Variants in DNAH11 observed in about 807,000 individuals in gnomAD.
DNAH11 encodes axonemal beta dynein heavy chain 11.
Under a neutral mutation model 526.0 loss-of-function variants are expected in DNAH11, and 442 were observed. That is an observed-to-expected ratio of 0.84 (90% CI 0.78 to 0.91). The LOEUF (loss-of-function observed/expected upper bound fraction) is 0.91. DNAH11 is among the 40% of genes least tolerant of loss of function. The pLI, the probability that DNAH11 is intolerant of heterozygous loss-of-function variation, is 0.00. For missense variants in DNAH11, 6,989 were observed against 5,448.7 expected, an observed-to-expected ratio of 1.28 and a Z score of -8.90; for synonymous variants, 2,461 against 1,935.9, an observed-to-expected ratio of 1.27 and a Z score of -7.12.
At chr7:21,700,567 T>C (rs1484146920) in intron 36 of DNAH11, among the ~76,000 whole-genome samples, 2 of 152,222 alleles carry the variant, frequency 1.3e-5, no homozygotes, top group African/African-American at 4.8e-5. Flanking sequence ...TCAAAGTTCT[T>C]ATTCTCAGAA....
At chr7:21,847,804 CTTGCAGTTCTTAGTTT>C (rs1782473413) in intron 66 of DNAH11, among the ~76,000 whole-genome samples, 2 of 152,124 alleles carry the variant, frequency 1.3e-5, no homozygotes. Context: ...TTTATTTCTC[CTTGCAGTTCTTAGTTT>C]TTGCCTTCTG....
chr7:21,785,751 A>G (rs185400077), intron 58 of DNAH11, among the ~76,000 whole-genome samples: 1 of 152,338 alleles, frequency 6.6e-6, no homozygotes, highest in Admixed American at 6.5e-5. Context: ...TCTTACTAGC[A>G]TATTTTAAGA....
chr7:21,759,696 CAG>C (rs1028990274), intron 54 of DNAH11, among the ~76,000 whole-genome samples: 1 of 151,968 alleles, frequency 6.6e-6, no homozygotes, highest in African/African-American at 2.4e-5. Flanking sequence ...AAAAAAAATA[CAG>C]AGTGACTGTA....
intron 2 of DNAH11, among the ~76,000 whole-genome samples, chr7:21,557,466 G>A (rs916696473): frequency 6.6e-6 from 1 of 152,194 alleles, no homozygotes; most frequent in African/African-American, 2.4e-5. Context: ...TTCATGGTTT[G>A]TAGACGGCCC....
chr7:21,660,680 CT>C (rs11293387), intron 30 of DNAH11, among the ~76,000 whole-genome samples: 106,074 of 151,296 alleles, frequency 0.7, 37,220 homozygotes, highest in Admixed American at 0.77. Flanking sequence ...TATTTACTAT[CT>C]TTTGTCTGTC....
At chr7:21,639,316 G>A (rs540113239) in intron 28 of DNAH11, among the ~76,000 whole-genome samples, 2 of 152,212 alleles carry the variant, frequency 1.3e-5, no homozygotes, top group African/African-American at 4.8e-5. Flanking sequence ...GAAAGAAGTC[G>A]ATGGAAAGAA....
chr7:21,844,268 T>A (rs190096476), intron 66 of DNAH11, among the ~76,000 whole-genome samples: 1 of 152,130 alleles, frequency 6.6e-6, no homozygotes, highest in East Asian at 1.9e-4. Flanking sequence ...CTACTAAAAA[T>A]ACAAAAAATT....
At position 21,868,844 on chromosome 7, in the gene DNAH11, C is replaced by T. The variant is rs146222137; in HGVS notation, c.11840-20C>T. Reference sequence around the variant, plus strand: ...CTCCTTCATAGACATTTCCTCTCACCGTGGTGTATTCTCCCACAGGCAAAA... The same window carrying T: ...CTCCTTCATAGACATTTCCTCTCACTGTGGTGTATTCTCCCACAGGCAAAA... On this transcript the variant is annotated intron_variant, in intron 72 of 81. Coordinates refer to ENST00000409508, the MANE Select transcript of DNAH11 (RefSeq NM_001277115.2). 578 of 1,613,722 alleles carry T rather than the reference C, an allele frequency of 3.6e-4. 1 individual carries two copies. In the African/African-American group the frequency reaches 6.7e-3, roughly 19 times the overall value.
At chr7:21,707,513 G>A (rs1033043536) in intron 39 of DNAH11, among the ~76,000 whole-genome samples, 186 bp from the exon 40 acceptor site, 9 of 152,240 alleles carry the variant, frequency 5.9e-5, no homozygotes, top group Admixed American at 5.9e-4. Context: ...CTGAGTATTT[G>A]TAAGATGAAG....
At chr7:21,803,633 T>C (rs1411465471) in intron 62 of DNAH11, among the ~76,000 whole-genome samples, 1 of 149,292 alleles carries the variant, frequency 6.7e-6, no homozygotes, top group Non-Finnish European at 1.5e-5. Context: ...AAGTGGGGAA[T>C]GGGGCTATCA....
At chr7:21,756,934 TC>T (rs1221923631) in intron 54 of DNAH11, among the ~76,000 whole-genome samples, 1 of 152,194 alleles carries the variant, frequency 6.6e-6, no homozygotes, top group Non-Finnish European at 1.5e-5. Flanking sequence ...TTAATTATCT[TC>T]AATTCATTTT....
intron 24 of DNAH11, 71 bp from the exon 25 acceptor site, chr7:21,619,885 T>TATG: frequency 7.0e-7 from 1 of 1,433,702 alleles, no homozygotes; most frequent in South Asian, 1.3e-5. Context: ...AAAAAATTAA[T>TATG]TCCAGATAAT....
Position 21,658,961 on chromosome 7 carries a change from A to G in DNAH11, c.5258A>G (p.Asp1753Gly), listed in dbSNP as rs916862604. 9.3e-6 allele frequency: 15 copies of G among 1,610,926 alleles called. No individual in the cohort carries two copies. The highest frequency in any genetic ancestry group is 1.2e-5 in the Non-Finnish European group (14 of 1,178,682). Reference protein sequence around the residue: ...LTSSQIWWTTDVGIAFSRLEE... With the variant: ...LTSSQIWWTTGVGIAFSRLEE... ...AGCTCACAAATATGGTGGACCACAGATGTAGGAATAGCCTTCAGTAGACTG... is the reference window on the plus strand; with the variant it reads ...AGCTCACAAATATGGTGGACCACAGGTGTAGGAATAGCCTTCAGTAGACTG... The change falls in exon 30 of 82, where the codon GAT becomes GGT. Residue 1753 changes from aspartate (D) to glycine (G), a missense_variant. By Grantham distance (94) the Asp-to-Gly change is moderately conservative. Coordinates refer to ENST00000409508, the MANE Select transcript of DNAH11 (RefSeq NM_001277115.2).
At chr7:21,620,603 G>A (rs926474720) in intron 25 of DNAH11, among the ~76,000 whole-genome samples, 8 of 151,432 alleles carry the variant, frequency 5.3e-5, no homozygotes, top group South Asian at 2.1e-4. Context: ...TAGGGTACAC[G>A]CGCACAATGT....
At chr7:21,645,163 C>T (rs561233653) in intron 28 of DNAH11, among the ~76,000 whole-genome samples, 1 of 152,250 alleles carries the variant, frequency 6.6e-6, no homozygotes, top group South Asian at 2.1e-4. Flanking sequence ...ATGTGGGGTC[C>T]TGCCAGCGAG....
intron 35 of DNAH11, among the ~76,000 whole-genome samples, chr7:21,693,815 GA>G (rs894827447): frequency 6.6e-6 from 1 of 152,148 alleles, no homozygotes; most frequent in Non-Finnish European, 1.5e-5. Context: ...AATTTATGAA[GA>G]AAAGAGGTTT....
At chr7:21,787,276 G>A in intron 59 of DNAH11, 125 bp from the exon 60 acceptor site, 1 of 846,978 alleles carries the variant, frequency 1.2e-6, no homozygotes, top group Non-Finnish European at 1.8e-6. Context: ...CAAACAGTAG[G>A]ATAAATGCAG....
rs1403491106 is a variant in DNAH11, at chr7:21,707,765, C to G, written c.6613C>G (p.Pro2205Ala). ...KQKPVWNDLN[P>A]KAVTTDELFG... ...GAAGCCGGTTTGGAATGACTTAAAC[C>G]CTAAAGCTGTGACAACAGATGAACT... Residue 2205 changes from proline (P) to alanine (A), a missense_variant, in exon 40 of 82, where the codon CCT (proline) becomes GCT (alanine). By Grantham distance (27) the Pro-to-Ala change is conservative. Coordinates refer to ENST00000409508, the MANE Select transcript of DNAH11 (RefSeq NM_001277115.2). 1.9e-6 allele frequency: 3 copies of G among 1,612,942 alleles called. No individual in the cohort carries two copies. The highest frequency in any genetic ancestry group is 1.1e-5 in the South Asian group (1 of 90,920).
intron 14 of DNAH11, among the ~76,000 whole-genome samples, chr7:21,599,075 A>T (rs184621655): frequency 6.6e-6 from 1 of 152,314 alleles, no homozygotes; most frequent in Admixed American, 6.5e-5. Context: ...TAATAGAATG[A>T]TTTATATCCC....
Sources: allele counts gnomAD v4.1 joint callset (sites outside exome capture counted in the v4.1 genomes callset), GRCh38; gene constraint gnomAD v4.1.1; transcripts MANE v1.5; gene names NCBI Gene and HGNC (gene_info 2026-07-23, HGNC 2026-07-21).